The following SDK1 variants were observed in gnomAD, a reference collection of about 807,000 sequenced individuals.
The protein encoded by SDK1 is sidekick cell adhesion molecule 1.
Under a neutral mutation model 245.5 loss-of-function variants are expected in SDK1, and 157 were observed. The ratio of observed to expected loss-of-function variants is 0.64; its 90% CI spans 0.56 to 0.73. SDK1 has a LOEUF of 0.73. SDK1 is among the 30% of genes least tolerant of loss of function. The pLI is 0.00. For missense variants in SDK1, 3,583 were observed against 3,002.3 expected (o/e 1.19, Z -4.52); for synonymous variants, 1,647 against 1,278.5 (o/e 1.29, Z -6.15).
intron 5 of SDK1, among the ~76,000 whole-genome samples, chr7:3,850,505 G>A (rs534117892): frequency 1.3e-5 from 2 of 152,212 alleles, no homozygotes; most frequent in South Asian, 4.1e-4. Flanking sequence ...TCCCATTACT[G>A]GGTATATACC....
At chr7:4,157,429 G>GGT (rs1562899545) in intron 30 of SDK1, among the ~76,000 whole-genome samples, 5 of 75,652 alleles carry the variant, frequency 6.6e-5, no homozygotes, top group African/African-American at 2.3e-4. Flanking sequence ...AGGGAAGGAA[G>GGT]GCAAGAGAAA....
chr7:3,619,877 G>T (rs1252956329), intron 2 of SDK1, among the ~76,000 whole-genome samples: 1 of 152,230 alleles, frequency 6.6e-6, no homozygotes, highest in Non-Finnish European at 1.5e-5. Context: ...AGACTGAGGT[G>T]TAGATTCACC....
rs549095950 is a variant in SDK1, at chr7:3,901,678, T to C, written c.848-49245T>C. Among the ~76,000 whole-genome samples the C allele has an allele frequency of 7.3e-4, 111 of 152,358 alleles. 1 individual carries two copies. The highest frequency in any genetic ancestry group is 2.6e-3 in the African/African-American group (107 of 41,582). On this transcript the variant is annotated intron_variant, in intron 5 of 44. Coordinates refer to ENST00000404826, the MANE Select transcript of SDK1 (RefSeq NM_152744.4). ...TAATACCTTGAAACTATGGGACTAT[T>C]CTGTTTCTTAACACTCTTTACTCAC... is the stretch of plus-strand genomic sequence containing the variant.
intron 1 of SDK1, among the ~76,000 whole-genome samples, chr7:3,333,995 G>A (rs1263778653): frequency 1.3e-5 from 2 of 152,168 alleles, no homozygotes; most frequent in Non-Finnish European, 2.9e-5. Flanking sequence ...GTCCACAAGA[G>A]TAAAGTGGCT....
chr7:3,368,627 G>A (rs1165804565), intron 1 of SDK1, among the ~76,000 whole-genome samples: 1 of 152,184 alleles, frequency 6.6e-6, no homozygotes, highest in African/African-American at 2.4e-5. Context: ...AGGACTTGGA[G>A]AGCCTGTCGG....
intron 4 of SDK1, among the ~76,000 whole-genome samples, chr7:3,737,394 T>C (rs1204320807): frequency 1.3e-5 from 2 of 152,218 alleles, no homozygotes; most frequent in Non-Finnish European, 2.9e-5. Flanking sequence ...CTGTGTTCCA[T>C]AGCTGGTCAG....
At chr7:3,804,558 G>T (rs1410717855) in intron 4 of SDK1, among the ~76,000 whole-genome samples, 1 of 151,884 alleles carries the variant, frequency 6.6e-6, no homozygotes, top group Non-Finnish European at 1.5e-5. Flanking sequence ...TAATTCTTCT[G>T]CCTTTACATA....
intron 4 of SDK1, among the ~76,000 whole-genome samples, chr7:3,661,393 C>G (rs1783350808): frequency 6.6e-6 from 1 of 152,158 alleles, no homozygotes; most frequent in Non-Finnish European, 1.5e-5. Flanking sequence ...AGAAAGGGGA[C>G]ATTAACAACC....
chr7:3,658,748 G>T (rs896474905), intron 4 of SDK1, among the ~76,000 whole-genome samples: 29 of 151,604 alleles, frequency 1.9e-4, no homozygotes, highest in Non-Finnish European at 1.5e-5. Context: ...CTGAGTAGCT[G>T]CGACTACAGA....
chr7:3,605,737 T>C (rs1224893993), intron 1 of SDK1, among the ~76,000 whole-genome samples: 2 of 152,194 alleles, frequency 1.3e-5, no homozygotes, highest in African/African-American at 4.8e-5. Flanking sequence ...CAGAGTAAAA[T>C]TATTTCAGAG....
In SDK1 at chr7:4,127,427, G is replaced by C. The variant is rs144535926; in HGVS notation, c.3870G>C (p.Ser1290=). 1 of 1,614,040 alleles carries C rather than the reference G, an allele frequency of 6.2e-7. No individual in the cohort carries two copies. The highest frequency in any genetic ancestry group is 1.3e-5 in the African/African-American group (1 of 74,926). The change falls in exon 26 of 45, where the codon TCG becomes TCC. Residue 1290 remains serine (S), a synonymous_variant. Coordinates refer to ENST00000404826, the MANE Select transcript of SDK1 (RefSeq NM_152744.4). ...PENVSAEAVS[S]TQILLTWTSV... is the part of the protein sequence containing the mutation. ...ACGTGTCAGCCGAGGCTGTCAGCTC[G>C]ACCCAGATTTTACTGACATGGACAT... is the stretch of plus-strand genomic sequence containing the variant.
At chr7:3,629,030 C>T (rs1327322073) in intron 2 of SDK1, among the ~76,000 whole-genome samples, 3 of 152,010 alleles carry the variant, frequency 2.0e-5, no homozygotes, top group South Asian at 4.2e-4. Flanking sequence ...CAGTGGCTCA[C>T]ACCTATAATC....
chr7:4,249,223 G>C (rs375305658), intron 44 of SDK1, among the ~76,000 whole-genome samples: 4 of 152,212 alleles, frequency 2.6e-5, no homozygotes, highest in African/African-American at 4.8e-5. Context: ...AGAAAGCCGA[G>C]ACTGAGAGTT....
chr7:4,182,826 G>A (rs915492221), intron 35 of SDK1, among the ~76,000 whole-genome samples: 3 of 152,200 alleles, frequency 2.0e-5, no homozygotes, highest in African/African-American at 2.4e-5. Flanking sequence ...CCTGGCAGAT[G>A]GGGAGCAGTG....
intron 1 of SDK1, among the ~76,000 whole-genome samples, chr7:3,318,721 A>G (rs76979219): frequency 0.013 from 1,927 of 152,240 alleles, 26 homozygotes; most frequent in South Asian, 0.033. Context: ...CTGTTGATGA[A>G]TATATTGACC....
intron 28 of SDK1, among the ~76,000 whole-genome samples, chr7:4,138,762 AG>A (rs2128203500): frequency 9.8e-6 from 1 of 101,794 alleles, no homozygotes; most frequent in South Asian, 3.1e-4. Context: ...AAAAAAAAAG[AG>A]AGAGAAAGAA....
At chr7:3,758,564 G>A (rs530859091) in intron 4 of SDK1, among the ~76,000 whole-genome samples, 7 of 152,178 alleles carry the variant, frequency 4.6e-5, no homozygotes, top group Non-Finnish European at 8.8e-5. Flanking sequence ...GGCTCCTACT[G>A]TGGCCTTGAG....
chr7:4,048,835 A>G (rs1455714723), intron 17 of SDK1, among the ~76,000 whole-genome samples: 2 of 152,242 alleles, frequency 1.3e-5, no homozygotes, highest in Non-Finnish European at 2.9e-5. Flanking sequence ...AAATCCAAAA[A>G]TGATTGTCCC....
intron 1 of SDK1, among the ~76,000 whole-genome samples, chr7:3,378,194 A>G (rs986294453): frequency 3.3e-5 from 5 of 152,156 alleles, no homozygotes; most frequent in African/African-American, 9.7e-5. Context: ...GGGGGCTACA[A>G]TTAACATTGT....
Sources: gnomAD v4.1 joint callset for allele counts (sites outside exome capture counted in the v4.1 genomes callset) on GRCh38, gnomAD v4.1.1 for gene constraint, MANE v1.5 for transcripts, NCBI Gene and HGNC (gene_info 2026-07-23, HGNC 2026-07-21) for gene names.